PARP8: variants seen among roughly 807,000 people sequenced by gnomAD.
PARP8 encodes the protein protein mono-ADP-ribosyltransferase PARP8.
In PARP8, 51 loss-of-function variants were observed where a neutral mutation model predicts 124.1. The ratio of observed to expected loss-of-function variants is 0.41; its 90% CI spans 0.33 to 0.52. The LOEUF is 0.52. Among genes scored for constraint, PARP8 ranks in the 20% least tolerant of loss-of-function variants. The probability of loss-of-function intolerance (pLI) is 0.21; values close to 1 mark genes in which losing one functional copy is unlikely to be tolerated. For synonymous variants in PARP8, 391 were observed against 361.5 expected, an observed-to-expected ratio of 1.08 and a Z score of -0.93; for missense variants, 860 against 1,018.9, an observed-to-expected ratio of 0.84 and a Z score of 2.12.
chr5:50,706,564 A>G (rs990596100), intron 2 of PARP8, among the ~76,000 whole-genome samples: 1 of 152,038 alleles, frequency 6.6e-6, no homozygotes, highest in Non-Finnish European at 1.5e-5. Flanking sequence ...TGAGTTCAAG[A>G]TCTTCATCAT....
At chr5:50,792,513 T>C (rs1317996037) in intron 10 of PARP8, among the ~76,000 whole-genome samples, 1 of 152,078 alleles carries the variant, frequency 6.6e-6, no homozygotes, top group African/African-American at 2.4e-5. Flanking sequence ...TTATCAAGAT[T>C]AGGCAAGCAC....
At chr5:50,770,496 A>G (rs1278507367) in intron 7 of PARP8, among the ~76,000 whole-genome samples, 2 of 151,866 alleles carry the variant, frequency 1.3e-5, no homozygotes. Flanking sequence ...GTGAACTACA[A>G]ATGGTTTTGC....
At chr5:50,753,613 T>A (rs1236081349) in intron 3 of PARP8, among the ~76,000 whole-genome samples, 1 of 152,072 alleles carries the variant, frequency 6.6e-6, no homozygotes, top group East Asian at 1.9e-4. Flanking sequence ...GTTAGTTAAT[T>A]AATAGTATTT....
At chr5:50,743,314 C>A (rs967384694) in intron 2 of PARP8, among the ~76,000 whole-genome samples, 1 of 151,966 alleles carries the variant, frequency 6.6e-6, no homozygotes, top group African/African-American at 2.4e-5. Flanking sequence ...GATGCTGTAG[C>A]TGATTGACCT....
intron 2 of PARP8, among the ~76,000 whole-genome samples, chr5:50,747,163 G>GTTTTTTTTTTTT (rs1211253892): frequency 2.5e-3 from 242 of 95,500 alleles, no homozygotes; most frequent in Middle Eastern, 7.4e-3. Flanking sequence ...TGTTTGTTTT[G>GTTTTTTTTTTTT]TTTTTTTTTT....
At chr5:50,778,016 C>A in intron 7 of PARP8, 53 bp from the exon 8 acceptor site, 1 of 1,326,640 alleles carries the variant, frequency 7.5e-7, no homozygotes, top group East Asian at 2.3e-5. Flanking sequence ...TAACACACAC[C>A]ATCTTTTAAG....
chr5:50,695,924 C>T (rs1031931194), intron 2 of PARP8, among the ~76,000 whole-genome samples: 1 of 152,072 alleles, frequency 6.6e-6, no homozygotes. Flanking sequence ...GTTGAATTTA[C>T]TGTTAATTTT....
intron 3 of PARP8, among the ~76,000 whole-genome samples, chr5:50,756,356 A>G (rs1392035107): frequency 6.6e-6 from 1 of 152,100 alleles, no homozygotes; most frequent in African/African-American, 2.4e-5. Context: ...GATACATCCC[A>G]TTCTTATTCT....
At chr5:50,667,755 T>C in intron 1 of PARP8, 1 of 723,436 alleles carries the variant, frequency 1.4e-6, no homozygotes, top group East Asian at 2.7e-5. Context: ...TCGCCTTTCG[T>C]CCATTTTGCT....
intron 9 of PARP8, 44 bp from the exon 10 acceptor site, chr5:50,788,479 C>G (rs774917121): frequency 1.9e-5 from 30 of 1,560,022 alleles, no homozygotes; most frequent in Non-Finnish European, 2.6e-5. Context: ...GGTTGAGTTT[C>G]AGTTTCAAGT....
intron 2 of PARP8, among the ~76,000 whole-genome samples, chr5:50,690,840 C>G (rs886221884): frequency 5.9e-5 from 9 of 152,156 alleles, no homozygotes; most frequent in Non-Finnish European, 1.0e-4. Context: ...AACAAACACT[C>G]TCTTTCTTTG....
At chr5:50,713,814 G>A (rs1411224700) in intron 2 of PARP8, among the ~76,000 whole-genome samples, 2 of 152,044 alleles carry the variant, frequency 1.3e-5, no homozygotes, top group Non-Finnish European at 2.9e-5. Flanking sequence ...AGGAAGCAGA[G>A]GGATAGAGTC....
In PARP8 at chr5:50,815,439, T is replaced by C. The variant is rs144559018; in HGVS notation, c.1583T>C (p.Val528Ala). 22 of 1,582,800 alleles carry C rather than the reference T, an allele frequency of 1.4e-5. No individual in the cohort carries two copies. The highest frequency in any genetic ancestry group is 1.5e-5 in the Non-Finnish European group (18 of 1,167,578). The change falls in exon 15 of 26, where the codon GTA becomes GCA. Residue 528 changes from valine to alanine, a missense_variant. Val to Ala is a moderately conservative substitution (Grantham distance 64). Transcript: ENST00000281631. ...TTCCTTTTTCTTTTGTAGCCTACCG[T>C]ATGTGAACGGGAGCTGTGTGTGTTT... ...FQNGPMLRPT[V>A]CERELCVFAF...
intron 2 of PARP8, among the ~76,000 whole-genome samples, chr5:50,748,769 A>G (rs1758895454): frequency 1.3e-5 from 2 of 151,986 alleles, no homozygotes; most frequent in South Asian, 2.1e-4. Context: ...GTTTCCTTAC[A>G]TTTGGTTTTC....
chr5:50,713,482 T>C (rs1754988054), intron 2 of PARP8, among the ~76,000 whole-genome samples: 1 of 151,968 alleles, frequency 6.6e-6, no homozygotes, highest in Non-Finnish European at 1.5e-5. Context: ...CTCATGTGAT[T>C]TGCTCCCCTG....
intron 2 of PARP8, among the ~76,000 whole-genome samples, chr5:50,670,121 A>G (rs1414027684): frequency 6.6e-6 from 1 of 152,228 alleles, no homozygotes; most frequent in Non-Finnish European, 1.5e-5. Flanking sequence ...TTATAAACCA[A>G]TATTTATTAA....
intron 7 of PARP8, among the ~76,000 whole-genome samples, chr5:50,765,815 G>A (rs1760999881): frequency 6.6e-6 from 1 of 152,194 alleles, no homozygotes; most frequent in South Asian, 2.1e-4. Context: ...GAAAAGAGGT[G>A]GGTAGTTAGG....
intron 2 of PARP8, among the ~76,000 whole-genome samples, chr5:50,733,960 A>T (rs1757240076): frequency 6.6e-6 from 1 of 152,154 alleles, no homozygotes; most frequent in Non-Finnish European, 1.5e-5. Flanking sequence ...TATGTATAGC[A>T]TTTCCTTATT....
At chr5:50,778,781 C>G in intron 9 of PARP8, 131 bp downstream of exon 9, 1 of 465,688 alleles carries the variant, frequency 2.1e-6, no homozygotes, top group East Asian at 3.5e-5. Context: ...TTTAAAGAAG[C>G]TTGCAGTCTA....
Sources: gnomAD v4.1 joint callset for allele counts (sites outside exome capture counted in the v4.1 genomes callset) on GRCh38, gnomAD v4.1.1 for gene constraint, MANE v1.5 for transcripts, NCBI Gene and HGNC (gene_info 2026-07-23, HGNC 2026-07-21) for gene names.